The following FOXK2 variants were observed in gnomAD, a reference collection of about 807,000 sequenced individuals.
The protein encoded by FOXK2 is forkhead box protein K2.
Under a neutral mutation model 53.3 loss-of-function variants are expected in FOXK2, and 24 were observed. The observed-to-expected ratio is 0.45, with a 90% CI of 0.33 to 0.63. The LOEUF (loss-of-function observed/expected upper bound fraction) is 0.63. FOXK2 is among the 30% of genes least tolerant of loss of function. FOXK2 has a pLI of 0.03. For synonymous variants in FOXK2, 505 were observed against 407.1 expected, an observed-to-expected ratio of 1.24 and a Z score of -2.89; for missense variants, 952 against 910.5, an observed-to-expected ratio of 1.05 and a Z score of -0.59.
Position 82,584,140 on chromosome 17 carries a change from C to G in FOXK2, c.1231C>G (p.Pro411Ala), listed in dbSNP as rs764015593. The change falls in exon 6 of 9, where the codon CCC (proline) becomes GCC (alanine). Residue 411 changes from proline to alanine, a missense_variant. Around this residue, in one of 5 missense-constraint regions of FOXK2, gnomAD observed 551 missense variants for 385.1 expected, o/e 1.43. Transcript: ENST00000335255. ...GGAGCCTGAGCCTGGCGCTGCACAGCCCAAACTCGCTGTCATCCAGGAAGC... is the reference window on the plus strand; with the variant it reads ...GGAGCCTGAGCCTGGCGCTGCACAGGCCAAACTCGCTGTCATCCAGGAAGC... Reference protein sequence around the residue: ...PLEPEPGAAQPKLAVIQEARF... With the variant: ...PLEPEPGAAQAKLAVIQEARF... 15 of 1,609,972 alleles carry G rather than the reference C, an allele frequency of 9.3e-6. No homozygotes were observed. In the East Asian group the frequency reaches 2.9e-4, roughly 31 times the overall value.
At chr17:82,546,519 C>CAT (rs1478486573) in intron 1 of FOXK2, among the ~76,000 whole-genome samples, 2 of 152,108 alleles carry the variant, frequency 1.3e-5, no homozygotes, top group Non-Finnish European at 2.9e-5. Flanking sequence ...TCTGAGTGCA[C>CAT]ATGCAGGAGC....
intron 6 of FOXK2, among the ~76,000 whole-genome samples, chr17:82,585,672 T>A (rs1323424550): frequency 6.6e-6 from 1 of 152,140 alleles, no homozygotes; most frequent in Non-Finnish European, 1.5e-5. Context: ...TTACCAGATA[T>A]CTAAATAGAG....
rs539476517 is a variant in FOXK2, at chr17:82,530,666, C to T, written c.419+10359C>T. Among the ~76,000 whole-genome samples, 144 of 151,930 alleles carry T rather than the reference C, an allele frequency of 9.5e-4. 1 individual carries two copies. Among genetic ancestry groups the T allele is most frequent in the Admixed American group, 1.6e-3 (24 of 15,248 alleles). On this transcript the variant is annotated intron_variant, in intron 1 of 8. Coordinates refer to ENST00000335255, the MANE Select transcript of FOXK2 (RefSeq NM_004514.4). ...GCTGGGATTACAGGCGCCACCACCA[C>T]GCTCTGCTAATTTTTGTATTTTTAG...
chr17:82,570,353 C>G (rs549412711), intron 3 of FOXK2, among the ~76,000 whole-genome samples: 3 of 152,298 alleles, frequency 2.0e-5, no homozygotes, highest in African/African-American at 7.2e-5. Context: ...ATTAGCCAGG[C>G]ATAGTGGCAT....
chr17:82,565,173 T>C (rs1567975897), intron 2 of FOXK2, among the ~76,000 whole-genome samples: 1 of 152,174 alleles, frequency 6.6e-6, no homozygotes. Flanking sequence ...AAAAATTAAC[T>C]GAAAATGGAT....
chr17:82,552,357 A>G (rs1427081518), intron 1 of FOXK2, among the ~76,000 whole-genome samples: 2 of 152,100 alleles, frequency 1.3e-5, no homozygotes, highest in Non-Finnish European at 2.9e-5. Context: ...TGCAAAGGTG[A>G]CGCTTTCCCT....
At chr17:82,533,556 C>T (rs1351580801) in intron 1 of FOXK2, among the ~76,000 whole-genome samples, 2 of 151,914 alleles carry the variant, frequency 1.3e-5, no homozygotes, top group East Asian at 1.9e-4. Flanking sequence ...TTAAGTATTA[C>T]ATATTGTACG....
intron 1 of FOXK2, chr17:82,559,258 A>G (rs1225492455): frequency 9.6e-6 from 4 of 418,184 alleles, no homozygotes; most frequent in South Asian, 1.7e-5. Context: ...GCGGTTTTCC[A>G]CTGAGCTTCA....
chr17:82,585,876 G>A, intron 6 of FOXK2, 28 bp from the exon 7 acceptor site: 1 of 1,593,586 alleles, frequency 6.3e-7, no homozygotes, highest in Non-Finnish European at 8.6e-7. Context: ...GTATCTGTAA[G>A]TGTCAGTCCT....
chr17:82,583,513 G>A (rs1002530414), intron 5 of FOXK2, among the ~76,000 whole-genome samples: 17 of 152,342 alleles, frequency 1.1e-4, no homozygotes, highest in African/African-American at 3.6e-4. Context: ...GCGCCACTTC[G>A]TTCTAGCCTG....
Position 82,563,402 on chromosome 17 carries a change from C to G in FOXK2, c.468C>G (p.Ala156=), listed in dbSNP as rs2044818436. 6.2e-7 allele frequency: 1 copy of G among 1,614,000 alleles called. No homozygotes were observed. Among genetic ancestry groups the G allele is most frequent in the Non-Finnish European group, 8.5e-7 (1 of 1,180,034 alleles). Residue 156 remains alanine (A), a synonymous_variant, in exon 2 of 9, where the codon GCC becomes GCG. Coordinates refer to ENST00000335255, the MANE Select transcript of FOXK2 (RefSeq NM_004514.4). ...CAAACATCAAGATAACGTTCACTGCCCTGTCCAGCGAGAAGAGAGAGAAGC... is the reference window on the plus strand; with the variant it reads ...CAAACATCAAGATAACGTTCACTGCGCTGTCCAGCGAGAAGAGAGAGAAGC... ...PSTNIKITFT[A]LSSEKREKQE...
rs112343840 is a variant in FOXK2 at position 82,587,095 on chromosome 17, G to A, written c.1609G>A (p.Ala537Thr). 463 of 1,606,276 alleles carry A rather than the reference G, an allele frequency of 2.9e-4. No homozygotes were observed. The highest frequency in any genetic ancestry group is 8.3e-4 in the Middle Eastern group (5 of 6,036). Residue 537 changes from alanine (A) to threonine (T), a missense_variant, in exon 8 of 9, where the codon GCC becomes ACC. Ala to Thr is a moderately conservative substitution (Grantham distance 58). Transcript: ENST00000335255. Reference protein sequence around the residue: ...KVEPIPAIGHATLGTASRIIQ... With the variant: ...KVEPIPAIGHTTLGTASRIIQ... Reference sequence around the variant, plus strand: ...AGAGCCTATTCCCGCCATTGGCCACGCCACGCTCGGCACTGCCAGCCGGAT... The same window carrying A: ...AGAGCCTATTCCCGCCATTGGCCACACCACGCTCGGCACTGCCAGCCGGAT...
intron 8 of FOXK2, chr17:82,587,658 C>A (rs117585962): frequency 0.051 from 15,828 of 312,272 alleles, 566 homozygotes; most frequent in Middle Eastern, 0.12. Context: ...AGAGAGGCTG[C>A]TTTTCTGTGC....
intron 1 of FOXK2, among the ~76,000 whole-genome samples, chr17:82,550,222 C>T (rs2044662914): frequency 6.6e-6 from 1 of 152,068 alleles, no homozygotes; most frequent in South Asian, 2.1e-4. Context: ...ACACAAAGAG[C>T]TTCTTTATGT....
At chr17:82,558,025 C>G (rs755449372) in intron 1 of FOXK2, among the ~76,000 whole-genome samples, 1 of 152,164 alleles carries the variant, frequency 6.6e-6, no homozygotes, top group Non-Finnish European at 1.5e-5. Context: ...CACTAATTGT[C>G]TGTTGTCTTT....
intron 8 of FOXK2, among the ~76,000 whole-genome samples, chr17:82,594,224 C>T (rs974886680): frequency 6.6e-6 from 1 of 152,186 alleles, no homozygotes; most frequent in Non-Finnish European, 1.5e-5. Context: ...ACAGGCCGGG[C>T]ACGGCGGCTC....
chr17:82,555,518 G>T (rs556334599), intron 1 of FOXK2, among the ~76,000 whole-genome samples: 1 of 151,968 alleles, frequency 6.6e-6, no homozygotes, highest in Non-Finnish European at 1.5e-5. Flanking sequence ...ATCTTGTTTC[G>T]AATGTAACCT....
intron 1 of FOXK2, among the ~76,000 whole-genome samples, chr17:82,555,370 A>G (rs1430070693): frequency 1.3e-5 from 2 of 152,028 alleles, no homozygotes; most frequent in African/African-American, 2.4e-5. Flanking sequence ...CTGTTGTAAT[A>G]TTTTGCGGCT....
chr17:82,580,029 A>G (rs1446891797), intron 4 of FOXK2, among the ~76,000 whole-genome samples: 12 of 84,160 alleles, frequency 1.4e-4, no homozygotes, highest in East Asian at 8.6e-4. Flanking sequence ...CATGTCGCCC[A>G]TGAAGTAGCT....
Sources: allele counts gnomAD v4.1 joint callset (sites outside exome capture counted in the v4.1 genomes callset), GRCh38; gene constraint gnomAD v4.1.1; regional missense constraint gnomAD v4.1.1; transcripts MANE v1.5; gene names NCBI Gene and HGNC (gene_info 2026-07-23, HGNC 2026-07-21).